Variants in PPP2R2C observed in about 807,000 individuals in gnomAD.
The protein encoded by PPP2R2C is protein phosphatase 2 regulatory subunit Bgamma, also known as protein phosphatase 2, regulatory subunit B, gamma.
Under a neutral mutation model 45.3 loss-of-function variants are expected in PPP2R2C, and 10 were observed. That is an observed-to-expected ratio of 0.22 (90% CI 0.14 to 0.37). The LOEUF (loss-of-function observed/expected upper bound fraction) is 0.37, where lower values mean the gene tolerates loss of function less well. Among genes scored for constraint, PPP2R2C ranks in the 10% least tolerant of loss-of-function variants. The pLI, the probability that PPP2R2C is intolerant of heterozygous loss-of-function variation, is 1.00. For synonymous variants in PPP2R2C, 257 were observed against 245.4 expected, an observed-to-expected ratio of 1.05 and a Z score of -0.44; for missense variants, 308 against 619.7, an observed-to-expected ratio of 0.50 and a Z score of 5.34.
chr4:6,373,829 A>C (rs1192203748), intron 4 of PPP2R2C, among the ~76,000 whole-genome samples: 1 of 151,990 alleles, frequency 6.6e-6, no homozygotes, highest in Non-Finnish European at 1.5e-5. Flanking sequence ...CTGAGAGTTC[A>C]TGTATGAGTG....
At chr4:6,354,614 T>C (rs13138424) in intron 5 of PPP2R2C, among the ~76,000 whole-genome samples, 87,470 of 150,774 alleles carry the variant, frequency 0.58, 28,790 homozygotes, top group East Asian at 0.91. Flanking sequence ...GGAACAGCCC[T>C]TCCAATTTAG....
At chr4:6,344,319 G>A (rs893054039) in intron 6 of PPP2R2C, among the ~76,000 whole-genome samples, 2 of 152,222 alleles carry the variant, frequency 1.3e-5, no homozygotes, top group African/African-American at 2.4e-5. Flanking sequence ...CATATTTCTC[G>A]CACTGTTGAG....
At chr4:6,326,866 G>C (rs1254550759) in intron 8 of PPP2R2C, among the ~76,000 whole-genome samples, 1 of 152,232 alleles carries the variant, frequency 6.6e-6, no homozygotes, top group African/African-American at 2.4e-5. Context: ...GCGGCGCTCT[G>C]CGGGCCGGAC....
In PPP2R2C at chr4:6,323,122, T is replaced by C; in HGVS notation, c.*180A>G. 1 of 607,944 alleles carries C rather than the reference T, an allele frequency of 1.6e-6. No individual in the cohort carries two copies. Among genetic ancestry groups the C allele is most frequent in the African/African-American group, 1.9e-5 (1 of 53,964 alleles). 37.7% of individuals were successfully genotyped at this position (607,944 alleles called of 1,614,324 possible). ...AGACAATTACTGCCAAACACAATTC[T>C]GGCCTAGGAAAGCTGGGGCAGGGAG... On this transcript the variant is annotated 3_prime_UTR_variant, in exon 9 of 9. Coordinates refer to ENST00000382599, the MANE Select transcript of PPP2R2C (RefSeq NM_020416.4).
At chr4:6,511,819 ATGG>A (rs1560594422) in intron 2 of PPP2R2C, among the ~76,000 whole-genome samples, 1 of 2,868 alleles carries the variant, frequency 3.5e-4, no homozygotes. Flanking sequence ...GGTGGTGGTG[ATGG>A]TGGTGGTGGT....
At chr4:6,365,070 G>A (rs1370418093) in intron 5 of PPP2R2C, among the ~76,000 whole-genome samples, 1 of 152,154 alleles carries the variant, frequency 6.6e-6, no homozygotes, top group African/African-American at 2.4e-5. Flanking sequence ...TGCTTGGCTT[G>A]GATCATCACC....
Position 6,368,392 on chromosome 4 carries a change from C to G in PPP2R2C, c.625+4131G>C, listed in dbSNP as rs188204848. On this transcript the variant is annotated intron_variant, in intron 5 of 8. Coordinates refer to ENST00000382599, the MANE Select transcript of PPP2R2C (RefSeq NM_020416.4). This position sits in a 1 kb window ranked among gnomAD's most constrained non-coding sequence, Gnocchi z 4.2. ...CGGGTATTTTACCAATGGTTTATCA[C>G]GTGTCCACTCCTGGAGGCAGAATCT... 6.6e-6 allele frequency among the ~76,000 whole-genome samples: 1 copy of G among 152,168 alleles called. No homozygotes were observed. The highest frequency in any genetic ancestry group is 1.5e-5 in the Non-Finnish European group (1 of 68,026).
chr4:6,341,478 A>G (rs1733443611), intron 6 of PPP2R2C, among the ~76,000 whole-genome samples: 1 of 152,162 alleles, frequency 6.6e-6, no homozygotes, highest in Non-Finnish European at 1.5e-5. Flanking sequence ...GGCTCTACTT[A>G]GCTGTGTGAC....
At chr4:6,537,881 C>T (rs996710168) in intron 1 of PPP2R2C, among the ~76,000 whole-genome samples, 2 of 152,070 alleles carry the variant, frequency 1.3e-5, no homozygotes, top group Non-Finnish European at 2.9e-5. Context: ...ATAAACCAGT[C>T]GCAAAAGGAC....
Position 6,527,575 on chromosome 4 carries a change from T to C in PPP2R2C, c.49+7696A>G, listed in dbSNP as rs1444698218. On this transcript the variant is annotated intron_variant, in intron 2 of 9. Transcript: ENST00000506140. ...AGCTTGCCAGGGACTTGCCAAGGCC[T>C]GGGTAACCCCGCCCGACCCCACCCC... 7.0e-5 allele frequency among the ~76,000 whole-genome samples: 7 copies of C among 100,250 alleles called. No individual in the cohort carries two copies. The East Asian group carries it at 1.9e-3, about 27-fold the overall frequency. 65.8% of individuals were successfully genotyped at this position (100,250 alleles called of 152,430 possible).
At chr4:6,348,648 C>T in intron 5 of PPP2R2C, 1 of 985,350 alleles carries the variant, frequency 1.0e-6, no homozygotes, top group South Asian at 4.7e-5. Flanking sequence ...ACTTGGAATA[C>T]TGAAAAGGCT....
At chr4:6,446,879 TA>T (rs5855913) in intron 1 of PPP2R2C, among the ~76,000 whole-genome samples, 99 of 142,048 alleles carry the variant, frequency 7.0e-4, no homozygotes, top group East Asian at 1.0e-3. Flanking sequence ...TGTCTGCTTG[TA>T]AAAAAAAAAA....
chr4:6,435,143 A>T (rs570372722), intron 1 of PPP2R2C, among the ~76,000 whole-genome samples: 58 of 152,128 alleles, frequency 3.8e-4, no homozygotes, highest in Admixed American at 2.9e-3. Flanking sequence ...TGTATGTTGG[A>T]TCCCCTTATC....
intron 1 of PPP2R2C, among the ~76,000 whole-genome samples, chr4:6,466,352 T>C (rs1331193110): frequency 2.0e-5 from 3 of 152,176 alleles, no homozygotes; most frequent in Non-Finnish European, 4.4e-5. Context: ...CAGCAGAACA[T>C]GAACCCAAGC....
intron 5 of PPP2R2C, chr4:6,349,692 A>C (rs780097018): frequency 1.0e-5 from 8 of 784,858 alleles, no homozygotes; most frequent in Middle Eastern, 6.3e-4. Flanking sequence ...ACAAAAAGAA[A>C]TTAGTTGGAG....
chr4:6,514,154 C>T (rs942672405), intron 2 of PPP2R2C, among the ~76,000 whole-genome samples: 2 of 152,148 alleles, frequency 1.3e-5, no homozygotes, highest in Admixed American at 1.3e-4. Context: ...TATAATTTAG[C>T]TATTCTTTTC....
chr4:6,396,078 C>A (rs374047121), intron 1 of PPP2R2C, among the ~76,000 whole-genome samples: 2 of 152,214 alleles, frequency 1.3e-5, no homozygotes, highest in Non-Finnish European at 2.9e-5. Context: ...GTGTGCGAAC[C>A]CTCGCGGCAG....
chr4:6,490,924 C>A (rs920924926), intron 2 of PPP2R2C, among the ~76,000 whole-genome samples: 1 of 152,168 alleles, frequency 6.6e-6, no homozygotes, highest in Non-Finnish European at 1.5e-5. Flanking sequence ...GGTTAAGCAA[C>A]CTCAGCCAGG....
rs112196791 is a variant in PPP2R2C, at chr4:6,455,127, G to C, written c.70+17033C>G. On this transcript the variant is annotated intron_variant, in intron 1 of 8. Coordinates refer to ENST00000382599, the MANE Select transcript of PPP2R2C (RefSeq NM_020416.4). ...ACTGATGGGCTTGCTGTAATCTACA[G>C]ATGACTCCAGAGCTGCGTTGCATTC... 8.8e-3 allele frequency among the ~76,000 whole-genome samples: 1,337 copies of C among 152,316 alleles called. 17 individuals are homozygous for C. The highest frequency in any genetic ancestry group is 0.03 in the African/African-American group (1,256 of 41,560).
Sources: allele counts gnomAD v4.1 joint callset (sites outside exome capture counted in the v4.1 genomes callset), GRCh38; gene constraint gnomAD v4.1.1; non-coding constraint Gnocchi (gnomAD v3.1); transcripts MANE v1.5; gene names NCBI Gene and HGNC (gene_info 2026-07-23, HGNC 2026-07-21).